PPP1R3A: variants seen among roughly 807,000 people sequenced by gnomAD.
PPP1R3A encodes the protein protein phosphatase 1 regulatory subunit 3A, also known as RG1.
PPP1R3A carries 29 observed loss-of-function variants against 41.7 expected under a neutral mutation model. The ratio of observed to expected loss-of-function variants is 0.70; its 90% CI spans 0.52 to 0.95. The LOEUF (loss-of-function observed/expected upper bound fraction) is 0.95, where lower values mean the gene tolerates loss of function less well. PPP1R3A is among the 40% of genes least tolerant of loss of function. PPP1R3A has a pLI of 0.00. For synonymous variants in PPP1R3A, 485 were observed against 453.4 expected (o/e 1.07, Z -0.89); for missense variants, 1,352 against 1,292.4 (o/e 1.05, Z -0.71).
In PPP1R3A at chr7:113,905,277, A is replaced by G. The variant is rs138352745; in HGVS notation, c.782+12938T>C. 2.9e-3 allele frequency among the ~76,000 whole-genome samples: 436 copies of G among 151,856 alleles called. 2 individuals are homozygous for G. Among genetic ancestry groups the G allele is most frequent in the African/African-American group, 0.01 (416 of 41,526 alleles). On this transcript the variant is annotated intron_variant, in intron 1 of 3. Coordinates refer to ENST00000284601, the MANE Select transcript of PPP1R3A (RefSeq NM_002711.4). ...TAAAAATATTATAATTTTAAGAGTT[A>G]TGAGTGTTATAATATGCCTGATAGT... is the stretch of plus-strand genomic sequence containing the variant.
At chr7:113,897,609 A>C (rs1796998483) in intron 1 of PPP1R3A, among the ~76,000 whole-genome samples, 1 of 151,278 alleles carries the variant, frequency 6.6e-6, no homozygotes, top group Non-Finnish European at 1.5e-5. Context: ...GAAGCTTAGA[A>C]GTTTACAGTA....
rs1338158551 is a variant in PPP1R3A at position 113,879,312 on chromosome 7, C to T, written c.1780G>A (p.Ala594Thr). ...SPRTNLSWEE[A>T]VLTPEHHHLT... Reference sequence around the variant, plus strand: ...TGATGATGCTCTGGGGTTAACACAGCTTCTTCCCAACTTAAATTTGTCCTT... The same window carrying T: ...TGATGATGCTCTGGGGTTAACACAGTTTCTTCCCAACTTAAATTTGTCCTT... Residue 594 changes from alanine (A) to threonine (T), a missense_variant, in exon 4 of 4, where the codon GCT (alanine) becomes ACT (threonine). Coordinates refer to ENST00000284601, the MANE Select transcript of PPP1R3A (RefSeq NM_002711.4). 1 of 1,613,486 alleles carries T rather than the reference C, an allele frequency of 6.2e-7. No individual in the cohort carries two copies. The highest frequency in any genetic ancestry group is 1.3e-5 in the African/African-American group (1 of 74,862).
intron 1 of PPP1R3A, among the ~76,000 whole-genome samples, chr7:113,914,159 C>T (rs1797301273): frequency 6.6e-6 from 1 of 152,044 alleles, no homozygotes; most frequent in Non-Finnish European, 1.5e-5. Flanking sequence ...TGATGATATC[C>T]TCATGTGTGT....
At chr7:113,891,304 A>G (rs577859203) in intron 1 of PPP1R3A, among the ~76,000 whole-genome samples, 10 of 152,114 alleles carry the variant, frequency 6.6e-5, no homozygotes, top group Non-Finnish European at 1.0e-4. Flanking sequence ...ATAAATTATT[A>G]TTGTTATTAG....
chr7:113,890,438 C>A (rs1796860742), intron 1 of PPP1R3A, among the ~76,000 whole-genome samples: 1 of 152,048 alleles, frequency 6.6e-6, no homozygotes, highest in Non-Finnish European at 1.5e-5. Context: ...TTAACTGGAA[C>A]CTCAGAGTTA....
chr7:113,912,105 C>G (rs535066764), intron 1 of PPP1R3A, among the ~76,000 whole-genome samples: 2 of 152,120 alleles, frequency 1.3e-5, no homozygotes, highest in Non-Finnish European at 2.9e-5. Flanking sequence ...AAAGCCCTTG[C>G]TGTTTCCATT....
At chr7:113,908,250 G>T (rs1009689578) in intron 1 of PPP1R3A, among the ~76,000 whole-genome samples, 1 of 151,862 alleles carries the variant, frequency 6.6e-6, no homozygotes. Flanking sequence ...GCTAACATAT[G>T]AACTCTCTGA....
rs1797300083 is a variant in PPP1R3A, at chr7:113,914,112, T to C, written c.782+4103A>G. On this transcript the variant is annotated intron_variant, in intron 1 of 3. Coordinates refer to ENST00000284601, the MANE Select transcript of PPP1R3A (RefSeq NM_002711.4). ...GAGTCAGGACATTAGCTGAACAAGA[T>C]TTGATAATAAAAGGGACAATTGTGA... is the stretch of plus-strand genomic sequence containing the variant. 2.6e-5 allele frequency among the ~76,000 whole-genome samples: 4 copies of C among 152,132 alleles called. No homozygotes were observed. In the South Asian group the frequency reaches 8.3e-4, roughly 31 times the overall value.
chr7:113,881,221 T>C (rs770419446), intron 3 of PPP1R3A, among the ~76,000 whole-genome samples: 1 of 152,044 alleles, frequency 6.6e-6, no homozygotes, highest in Non-Finnish European at 1.5e-5. Context: ...AAAGGTGGAA[T>C]ATGTGGGGAA....
intron 1 of PPP1R3A, among the ~76,000 whole-genome samples, chr7:113,886,974 TGA>T (rs1169373017): frequency 6.6e-6 from 1 of 152,146 alleles, no homozygotes; most frequent in Non-Finnish European, 1.5e-5. Flanking sequence ...ACACAGTGCC[TGA>T]CATATAATAG....
In PPP1R3A at chr7:113,882,175, A is replaced by T. The variant is rs376647695; in HGVS notation, c.842-12T>A. On this transcript the variant is annotated splice_polypyrimidine_tract_variant and intron_variant, in intron 2 of 3. Coordinates refer to ENST00000284601, the MANE Select transcript of PPP1R3A (RefSeq NM_002711.4). The stretch of plus-strand genomic sequence containing the variant: ...TGGGATATAGGTATCTGAAAAGTTA[A>T]TATAATTGTGCCTATGTAAGATTGT... The T allele has an allele frequency of 1.2e-6, 2 of 1,610,490 alleles. No homozygotes were observed. The highest frequency in any genetic ancestry group is 1.7e-6 in the Non-Finnish European group (2 of 1,177,308).
intron 1 of PPP1R3A, among the ~76,000 whole-genome samples, chr7:113,883,576 C>A (rs947207200): frequency 2.6e-5 from 4 of 151,830 alleles, no homozygotes; most frequent in African/African-American, 9.7e-5. Flanking sequence ...ATACTGCTTG[C>A]ATAATTGATA....
intron 1 of PPP1R3A, among the ~76,000 whole-genome samples, chr7:113,894,227 TTACAAGCAGCATTCATAAATTG>T (rs1193060622): frequency 2.0e-5 from 3 of 151,912 alleles, no homozygotes; most frequent in African/African-American, 7.2e-5. Context: ...TGAGATATAA[TTACAAGCAGCATTCATAAATTG>T]TAAGCTGAAG....
At chr7:113,887,651 T>C (rs920302798) in intron 1 of PPP1R3A, among the ~76,000 whole-genome samples, 1 of 152,148 alleles carries the variant, frequency 6.6e-6, no homozygotes, top group African/African-American at 2.4e-5. Flanking sequence ...ATTTAGGTTT[T>C]AGGGATAACT....
chr7:113,900,827 A>G (rs1797050059), intron 1 of PPP1R3A, among the ~76,000 whole-genome samples: 1 of 149,976 alleles, frequency 6.7e-6, no homozygotes, highest in South Asian at 2.1e-4. Flanking sequence ...TTTATAAAAA[A>G]TATTTCTTAT....
chr7:113,888,559 T>C (rs1796827462), intron 1 of PPP1R3A, among the ~76,000 whole-genome samples: 1 of 152,132 alleles, frequency 6.6e-6, no homozygotes, highest in Non-Finnish European at 1.5e-5. Flanking sequence ...GACAGTTAAC[T>C]GAGGGATCCT....
Position 113,879,533 on chromosome 7 carries a change from T to A in PPP1R3A, c.1559A>T (p.Gln520Leu). 14 of 1,613,026 alleles carry A rather than the reference T, an allele frequency of 8.7e-6. No homozygotes were observed. Among genetic ancestry groups the A allele is most frequent in the Non-Finnish European group, 1.2e-5 (14 of 1,179,464 alleles). ...TTCATTAACACCTAAATATATTCTT[T>A]GTTCTTCATCATCCTTACCATTGCC... ...YYGNGKDDEE[Q>L]RIYLGVNEKQ... The change falls in exon 4 of 4, where the codon CAA becomes CTA. Residue 520 changes from glutamine to leucine, a missense_variant. Coordinates refer to ENST00000284601, the MANE Select transcript of PPP1R3A (RefSeq NM_002711.4).
At chr7:113,890,309 ATC>A (rs1371635448) in intron 1 of PPP1R3A, among the ~76,000 whole-genome samples, 1 of 152,066 alleles carries the variant, frequency 6.6e-6, no homozygotes, top group Non-Finnish European at 1.5e-5. Context: ...CTGCATCAGC[ATC>A]TCTGAGTGGG....
intron 1 of PPP1R3A, among the ~76,000 whole-genome samples, chr7:113,912,802 G>C (rs944386810): frequency 6.6e-6 from 1 of 151,916 alleles, no homozygotes; most frequent in Admixed American, 6.6e-5. Context: ...AGGTGGGGAG[G>C]GATAGGCTCT....
Sources: allele counts gnomAD v4.1 joint callset (sites outside exome capture counted in the v4.1 genomes callset), GRCh38; gene constraint gnomAD v4.1.1; transcripts MANE v1.5; gene names NCBI Gene and HGNC (gene_info 2026-07-23, HGNC 2026-07-21).